The following SYTL5 variants were observed in gnomAD, a reference collection of about 807,000 sequenced individuals.
The protein encoded by SYTL5 is synaptotagmin-like protein 5.
In SYTL5, 34 loss-of-function variants were observed where a neutral mutation model predicts 55.9. That is an observed-to-expected ratio of 0.61 (90% CI 0.46 to 0.81). The LOEUF is 0.81. SYTL5 is among the 30% of genes least tolerant of loss of function. SYTL5 has a pLI of 0.00. For synonymous variants in SYTL5, 221 were observed against 188.7 expected (o/e 1.17, Z -1.40); for missense variants, 637 against 546.7 (o/e 1.17, Z -1.65).
chrX:38,027,922 C>T (rs1934833215), intron 1 of SYTL5, among the ~76,000 whole-genome samples: 1 of 108,475 alleles, frequency 9.2e-6, no homozygotes, highest in Non-Finnish European at 1.9e-5. Flanking sequence ...CTCCCAGGTT[C>T]AAGTGATTCT....
intron 6 of SYTL5, among the ~76,000 whole-genome samples, chrX:38,081,061 C>T (rs1250400178): frequency 8.9e-6 from 1 of 112,400 alleles, no homozygotes; most frequent in South Asian, 3.7e-4. Context: ...CTATAATGAT[C>T]GTTCGGTGAC....
chrX:37,940,641 A>G, the SYTL5 span, among the ~76,000 whole-genome samples: 14 of 106,222 alleles, frequency 1.3e-4, no homozygotes, highest in Admixed American at 7.2e-4. Flanking sequence ...TAATTTGTGC[A>G]AGGATGTTAT....
At position 38,059,069 on chromosome X, in the gene SYTL5, G is replaced by A. The variant is rs770505968; in HGVS notation, c.329+4647G>A. Among the ~76,000 whole-genome samples the A allele has an allele frequency of 3.0e-4, 33 of 111,209 alleles. 1 individual carries two copies. The highest frequency in any genetic ancestry group is 5.3e-4 in the Non-Finnish European group (28 of 52,658). ...TGAATCCTGCCTTTGTGTCTAATTT[G>A]CTATTAAACACATCCATTTAATTCT... On this transcript the variant is annotated intron_variant, in intron 3 of 16. Transcript: ENST00000297875.
At chrX:38,072,380 C>T (rs1294178720) in intron 4 of SYTL5, among the ~76,000 whole-genome samples, 1 of 112,043 alleles carries the variant, frequency 8.9e-6, no homozygotes, top group African/African-American at 3.2e-5. Context: ...ATATATCTCA[C>T]CCACTAAGAT....
At chrX:37,898,271 C>T in the SYTL5 span, among the ~76,000 whole-genome samples, 1 of 111,463 alleles carries the variant, frequency 9.0e-6, no homozygotes, top group Non-Finnish European at 1.9e-5. Context: ...CCCAATTGCC[C>T]CACCTCCTAA....
chrX:37,908,974 C>A, the SYTL5 span, among the ~76,000 whole-genome samples: 3 of 110,715 alleles, frequency 2.7e-5, no homozygotes, highest in African/African-American at 9.9e-5. Flanking sequence ...TAATTTGGAT[C>A]CTAGGAGCCT....
the SYTL5 span, among the ~76,000 whole-genome samples, chrX:37,951,031 A>G: frequency 1.0e-5 from 1 of 97,806 alleles, no homozygotes; most frequent in African/African-American, 3.7e-5. Flanking sequence ...TGAAGGGCAG[A>G]AAGACTTACG....
the SYTL5 span, among the ~76,000 whole-genome samples, chrX:37,893,733 CTATAGATAAACTATAGATTATA>C: frequency 1.3e-5 from 1 of 78,731 alleles, no homozygotes; most frequent in Admixed American, 1.5e-4. Context: ...TATATATAAT[CTATAGATAAACTATAGATTATA>C]TATAATCTAT....
At chrX:37,950,544 A>G in the SYTL5 span, among the ~76,000 whole-genome samples, 1 of 111,156 alleles carries the variant, frequency 9.0e-6, no homozygotes, top group East Asian at 2.8e-4. Flanking sequence ...CAGTCTTCAG[A>G]ACCTGTACTT....
the SYTL5 span, among the ~76,000 whole-genome samples, chrX:37,892,361 T>C: frequency 9.4e-6 from 1 of 106,025 alleles, no homozygotes. Context: ...TTTATTTATA[T>C]ATAATATATA....
intron 1 of SYTL5, among the ~76,000 whole-genome samples, chrX:38,021,389 T>C (rs890319650): frequency 8.9e-6 from 1 of 112,118 alleles, no homozygotes; most frequent in Non-Finnish European, 1.9e-5. Flanking sequence ...ATTTAATTCA[T>C]AAATTTATTC....
chrX:38,126,206 G>C (rs759238526), intron 16 of SYTL5, among the ~76,000 whole-genome samples: 4 of 111,759 alleles, frequency 3.6e-5, no homozygotes. Flanking sequence ...TATAGATTAA[G>C]GGGAGCCAAA....
chrX:38,011,731 T>C (rs1934198024), intron 1 of SYTL5, among the ~76,000 whole-genome samples: 2 of 112,051 alleles, frequency 1.8e-5, no homozygotes, highest in African/African-American at 6.5e-5. Context: ...GTGGGGATAT[T>C]TTCTAGGGTA....
the SYTL5 span, among the ~76,000 whole-genome samples, chrX:37,910,413 G>C: frequency 1.2e-4 from 13 of 112,290 alleles, no homozygotes; most frequent in Non-Finnish European, 1.1e-4. Context: ...TCTCCAAATA[G>C]TTATATTTAG....
chrX:37,969,537 G>A, the SYTL5 span, among the ~76,000 whole-genome samples: 1 of 111,921 alleles, frequency 8.9e-6, no homozygotes, highest in Non-Finnish European at 1.9e-5. Flanking sequence ...TACTTAATTT[G>A]CCTGTTTTCG....
the SYTL5 span, among the ~76,000 whole-genome samples, chrX:37,950,574 A>G: frequency 9.0e-6 from 1 of 111,316 alleles, no homozygotes; most frequent in Non-Finnish European, 1.9e-5. Flanking sequence ...TTTATAACCG[A>G]GAAGTATGCA....
chrX:37,962,202 T>C, the SYTL5 span, among the ~76,000 whole-genome samples: 237 of 111,173 alleles, frequency 2.1e-3, 1 homozygote, highest in African/African-American at 7.4e-3. Flanking sequence ...TAGGTATATC[T>C]CCTAATGCTA....
intron 13 of SYTL5, among the ~76,000 whole-genome samples, chrX:38,118,161 A>G (rs1397098566): frequency 8.9e-6 from 1 of 111,862 alleles, no homozygotes; most frequent in East Asian, 2.8e-4. Context: ...CAGATTAAAT[A>G]TTAGATGGAT....
chrX:38,030,329 A>T (rs1934916744), intron 1 of SYTL5, among the ~76,000 whole-genome samples: 1 of 112,012 alleles, frequency 8.9e-6, no homozygotes, highest in Non-Finnish European at 1.9e-5. Flanking sequence ...TTTTTAAAGG[A>T]ATCTATCCAT....
Sources: gnomAD v4.1 joint callset for allele counts (sites outside exome capture counted in the v4.1 genomes callset) on GRCh38, gnomAD v4.1.1 for gene constraint, MANE v1.5 for transcripts, NCBI Gene and HGNC (gene_info 2026-07-23, HGNC 2026-07-21) for gene names.